Variants in SCAPER observed in about 807,000 individuals in gnomAD.
SCAPER encodes S phase cyclin A-associated protein in the endoplasmic reticulum.
Under a neutral mutation model 182.2 loss-of-function variants are expected in SCAPER, and 98 were observed. The ratio of observed to expected loss-of-function variants is 0.54; its 90% CI spans 0.46 to 0.64. The LOEUF is 0.64. SCAPER is among the 30% of genes least tolerant of loss of function. SCAPER has a pLI of 0.00. For missense variants in SCAPER, 1,432 were observed against 1,690.0 expected, an observed-to-expected ratio of 0.85 and a Z score of 2.68; for synonymous variants, 605 against 564.6, an observed-to-expected ratio of 1.07 and a Z score of -1.01.
intron 4 of SCAPER, among the ~76,000 whole-genome samples, chr15:76,849,859 C>T (rs1000271363): frequency 6.6e-6 from 1 of 152,160 alleles, no homozygotes; most frequent in African/African-American, 2.4e-5. Flanking sequence ...CCTCAGGAAA[C>T]TTACAACCAT....
chr15:76,857,929 G>A (rs1338233141), intron 3 of SCAPER, 50 bp from the exon 4 acceptor site: 2 of 1,270,774 alleles, frequency 1.6e-6, no homozygotes, highest in African/African-American at 1.5e-5. Flanking sequence ...ATGATAGATA[G>A]TATAAAATTG....
intron 8 of SCAPER, among the ~76,000 whole-genome samples, chr15:76,778,712 T>C (rs2063901966): frequency 6.6e-6 from 1 of 152,106 alleles, no homozygotes; most frequent in South Asian, 2.1e-4. Context: ...AAGTATGTTT[T>C]TAAGTATTAG....
At chr15:76,518,890 T>C (rs541405439) in intron 23 of SCAPER, among the ~76,000 whole-genome samples, 2 of 152,374 alleles carry the variant, frequency 1.3e-5, no homozygotes, top group South Asian at 2.1e-4. Context: ...TCTGTTCTTC[T>C]TGATTTTGCT....
intron 17 of SCAPER, among the ~76,000 whole-genome samples, chr15:76,711,614 T>G (rs1423160393): frequency 1.3e-5 from 2 of 152,198 alleles, no homozygotes; most frequent in East Asian, 3.8e-4. Context: ...AAAATAGTTT[T>G]TAATGATTGC....
chr15:76,400,482 A>G (rs1002242179), intron 27 of SCAPER, among the ~76,000 whole-genome samples: 2 of 152,244 alleles, frequency 1.3e-5, no homozygotes, highest in African/African-American at 4.8e-5. Flanking sequence ...TGAAGAAATA[A>G]GCAGGAGAAA....
At chr15:76,455,688 T>G (rs941373701) in intron 25 of SCAPER, among the ~76,000 whole-genome samples, 15 of 152,202 alleles carry the variant, frequency 9.9e-5, no homozygotes, top group Non-Finnish European at 2.1e-4. Context: ...TTACTTTAAG[T>G]TCTGGGATAC....
intron 2 of SCAPER, among the ~76,000 whole-genome samples, chr15:76,875,111 T>C (rs774621787): frequency 3.9e-5 from 6 of 152,164 alleles, no homozygotes; most frequent in Admixed American, 1.3e-4. Context: ...ACTGAAGAAA[T>C]TGAATCCCAC....
chr15:76,795,173 T>G, intron 8 of SCAPER, 107 bp downstream of exon 8: 1 of 998,972 alleles, frequency 1.0e-6, no homozygotes, highest in Non-Finnish European at 1.4e-6. Flanking sequence ...TAAATTAATA[T>G]TACGTATGTT....
chr15:76,683,927 C>T (rs1240685272), intron 20 of SCAPER, among the ~76,000 whole-genome samples: 1 of 152,162 alleles, frequency 6.6e-6, no homozygotes, highest in Non-Finnish European at 1.5e-5. Context: ...AGCAAGACCA[C>T]GTTTCTAAAA....
intron 22 of SCAPER, among the ~76,000 whole-genome samples, chr15:76,621,277 A>G (rs779762029): frequency 2.0e-5 from 3 of 152,208 alleles, no homozygotes; most frequent in Admixed American, 6.5e-5. Flanking sequence ...TTACACCTCA[A>G]TGGTGAAGTC....
At chr15:76,876,991 T>C (rs2073214199) in intron 2 of SCAPER, among the ~76,000 whole-genome samples, 1 of 152,122 alleles carries the variant, frequency 6.6e-6, no homozygotes, top group Non-Finnish European at 1.5e-5. Context: ...ATCCCAACAC[T>C]CTGGGAAGCC....
intron 22 of SCAPER, among the ~76,000 whole-genome samples, chr15:76,616,426 CATA>C (rs772313851): frequency 2.1e-4 from 32 of 152,134 alleles, no homozygotes; most frequent in Non-Finnish European, 4.3e-4. Context: ...TAGTCAAAAT[CATA>C]ATAATAGAAA....
chr15:76,656,758 C>T (rs1567718865), intron 21 of SCAPER, among the ~76,000 whole-genome samples: 1 of 152,042 alleles, frequency 6.6e-6, no homozygotes, highest in Non-Finnish European at 1.5e-5. Context: ...TAAAACCATA[C>T]AATGAAATGG....
At chr15:76,480,968 T>C (rs908296526) in intron 24 of SCAPER, among the ~76,000 whole-genome samples, 1 of 152,180 alleles carries the variant, frequency 6.6e-6, no homozygotes, top group Non-Finnish European at 1.5e-5. Context: ...CCTGACCTTG[T>C]GATCCGCCCG....
intron 20 of SCAPER, among the ~76,000 whole-genome samples, chr15:76,697,461 T>C (rs2058710900): frequency 6.6e-6 from 1 of 152,202 alleles, no homozygotes; most frequent in South Asian, 2.1e-4. Context: ...TTAGATAATA[T>C]TGCACATTTT....
intron 28 of SCAPER, among the ~76,000 whole-genome samples, chr15:76,378,484 T>C (rs1306828102): frequency 6.6e-6 from 1 of 152,234 alleles, no homozygotes. Flanking sequence ...ACAAAAATAG[T>C]AGTTTTCTGG....
intron 28 of SCAPER, among the ~76,000 whole-genome samples, chr15:76,376,940 C>T (rs573233879): frequency 5.3e-5 from 8 of 152,286 alleles, no homozygotes; most frequent in South Asian, 2.1e-4. Context: ...GGGCTGTCGG[C>T]GGTGGGCGAC....
intron 23 of SCAPER, among the ~76,000 whole-genome samples, chr15:76,547,576 A>G (rs1285206007): frequency 6.6e-6 from 1 of 152,090 alleles, no homozygotes; most frequent in African/African-American, 2.4e-5. Context: ...GATATCATAA[A>G]ATATATTTCT....
At chr15:76,800,822 T>C (rs2065728783) in intron 6 of SCAPER, among the ~76,000 whole-genome samples, 1 of 152,202 alleles carries the variant, frequency 6.6e-6, no homozygotes, top group South Asian at 2.1e-4. Flanking sequence ...ATATAAAATG[T>C]CCTTCCTCTA....
Sources: gnomAD v4.1 joint callset for allele counts (sites outside exome capture counted in the v4.1 genomes callset) on GRCh38, gnomAD v4.1.1 for gene constraint, MANE v1.5 for transcripts, NCBI Gene and HGNC (gene_info 2026-07-23, HGNC 2026-07-21) for gene names.